The following SLC7A11 variants were observed in gnomAD, a reference collection of about 807,000 sequenced individuals.
SLC7A11 encodes solute carrier family 7 member 11, also known as cystine/glutamate transporter.
SLC7A11 carries 35 observed loss-of-function variants against 54.5 expected under a neutral mutation model. The observed-to-expected ratio is 0.64, with a 90% CI of 0.49 to 0.85. SLC7A11 has a LOEUF of 0.85. SLC7A11 is among the 40% of genes least tolerant of loss of function. The pLI is 0.00. For missense variants in SLC7A11, 583 were observed against 618.1 expected (o/e 0.94, Z 0.60); for synonymous variants, 230 against 225.2 (o/e 1.02, Z -0.19).
chr4:138,240,503 G>A (rs974664589), intron 1 of SLC7A11, among the ~76,000 whole-genome samples: 4 of 148,750 alleles, frequency 2.7e-5, no homozygotes, highest in Non-Finnish European at 4.4e-5. Context: ...GGAGGCGGAG[G>A]TTGCAGTGAG....
chr4:138,221,684 G>C (rs1331975834), intron 4 of SLC7A11, among the ~76,000 whole-genome samples: 1 of 152,066 alleles, frequency 6.6e-6, no homozygotes, highest in Non-Finnish European at 1.5e-5. Flanking sequence ...TGCTCTCAAG[G>C]AATTTGCAAT....
At chr4:138,241,592 A>G (rs1229948374) in intron 1 of SLC7A11, among the ~76,000 whole-genome samples, 1 of 152,208 alleles carries the variant, frequency 6.6e-6, no homozygotes, top group Non-Finnish European at 1.5e-5. Context: ...TACAGCCTGT[A>G]GGAAGCAATT....
intron 3 of SLC7A11, 61 bp downstream of exon 3, chr4:138,232,202 ACACT>A (rs1738095199): frequency 9.1e-7 from 1 of 1,103,426 alleles, no homozygotes. Context: ...AAGTCTAAAG[ACACT>A]TTGTCTTCAA....
At chr4:138,205,512 C>T (rs1307777097) in intron 6 of SLC7A11, among the ~76,000 whole-genome samples, 1 of 151,972 alleles carries the variant, frequency 6.6e-6, no homozygotes, top group Non-Finnish European at 1.5e-5. Context: ...TTGTCTCTAC[C>T]CTTAGTGAAC....
At chr4:138,184,130 A>G (rs1011922976) in intron 7 of SLC7A11, among the ~76,000 whole-genome samples, 1 of 152,174 alleles carries the variant, frequency 6.6e-6, no homozygotes, top group Non-Finnish European at 1.5e-5. Flanking sequence ...TGCCCAAAGA[A>G]TAAGTGCTGC....
At chr4:138,185,342 G>A in intron 6 of SLC7A11, 98 bp from the exon 7 acceptor site, 1 of 1,333,284 alleles carries the variant, frequency 7.5e-7, no homozygotes, top group Non-Finnish European at 1.1e-6. Context: ...GAATATAATG[G>A]TATCTACAAT....
At chr4:138,191,185 G>C (rs1737006070) in intron 6 of SLC7A11, among the ~76,000 whole-genome samples, 1 of 152,156 alleles carries the variant, frequency 6.6e-6, no homozygotes, top group African/African-American at 2.4e-5. Flanking sequence ...TCTGGGCCAA[G>C]GCTGAACAAA....
chr4:138,225,936 G>A (rs1158367886), intron 3 of SLC7A11, among the ~76,000 whole-genome samples: 2 of 151,550 alleles, frequency 1.3e-5, no homozygotes, highest in Non-Finnish European at 2.9e-5. Context: ...GAGAGAGAGA[G>A]GCATTCTTAT....
intron 6 of SLC7A11, among the ~76,000 whole-genome samples, chr4:138,206,958 G>T (rs891631723): frequency 1.5e-5 from 2 of 133,410 alleles, no homozygotes; most frequent in Non-Finnish European, 3.1e-5. Flanking sequence ...ATTTAAAAAT[G>T]GATTAATCAA....
rs1397472639 is a variant in SLC7A11 at position 138,169,180 on chromosome 4, T to C, written c.*2776A>G. The C allele has an allele frequency of 6.6e-6, 1 of 152,138 alleles. No homozygotes were observed. The highest frequency in any genetic ancestry group is 1.5e-5 in the Non-Finnish European group (1 of 68,006). The allele number at this position is 152,138 out of a possible 1,614,324, so 9.4% of individuals were successfully genotyped here. On this transcript the variant is annotated 3_prime_UTR_variant, in exon 12 of 12. Coordinates refer to ENST00000280612, the MANE Select transcript of SLC7A11 (RefSeq NM_014331.4). ...ACATGTAGTAAGTAGTATGTGCATG[T>C]ATGTGTGTGTGTGCATATCGTATAA...
intron 7 of SLC7A11, among the ~76,000 whole-genome samples, chr4:138,183,938 T>A (rs548062046): frequency 1.3e-5 from 2 of 152,270 alleles, no homozygotes; most frequent in Admixed American, 1.3e-4. Context: ...AACACAAATA[T>A]AAGTCCGATA....
At chr4:138,211,401 C>T (rs1037301747) in intron 6 of SLC7A11, among the ~76,000 whole-genome samples, 1 of 151,794 alleles carries the variant, frequency 6.6e-6, no homozygotes, top group African/African-American at 2.4e-5. Flanking sequence ...AGGGGCCACA[C>T]ATGTACCCCC....
At chr4:138,211,085 T>C (rs967718203) in intron 6 of SLC7A11, among the ~76,000 whole-genome samples, 4 of 152,040 alleles carry the variant, frequency 2.6e-5, no homozygotes, top group African/African-American at 9.7e-5. Context: ...TCATGTCCTT[T>C]ACAGCAACAT....
In SLC7A11 at chr4:138,189,436, G is replaced by A. The variant is rs927327545; in HGVS notation, c.792-4192C>T. Among the ~76,000 whole-genome samples, 7 of 152,090 alleles carry A rather than the reference G, an allele frequency of 4.6e-5. No individual in the cohort carries two copies. The East Asian group carries it at 5.8e-4, about 13-fold the overall frequency. ...AACCAAGGTCACAAAAGTAGTAAGC[G>A]GGAGGGCTGGAACCAGAACCCACCT... is the stretch of plus-strand genomic sequence containing the variant. On this transcript the variant is annotated intron_variant, in intron 6 of 11. Coordinates refer to ENST00000280612, the MANE Select transcript of SLC7A11 (RefSeq NM_014331.4).
At chr4:138,194,506 T>C (rs1209512626) in intron 6 of SLC7A11, among the ~76,000 whole-genome samples, 1 of 152,206 alleles carries the variant, frequency 6.6e-6, no homozygotes, top group Non-Finnish European at 1.5e-5. Flanking sequence ...TCAGGGACTC[T>C]CTGCCCAAGG....
At chr4:138,211,409 C>A (rs919836158) in intron 6 of SLC7A11, among the ~76,000 whole-genome samples, 1 of 151,662 alleles carries the variant, frequency 6.6e-6, no homozygotes, top group African/African-American at 2.4e-5. Context: ...CACATGTACC[C>A]CCTGAATCTA....
chr4:138,236,736 AT>A (rs1345836592), intron 1 of SLC7A11, among the ~76,000 whole-genome samples: 2 of 152,182 alleles, frequency 1.3e-5, no homozygotes, highest in East Asian at 1.9e-4. Flanking sequence ...GTGTTCCAGA[AT>A]TTTGAGCTGA....
At chr4:138,232,940 CA>C (rs1213328615) in intron 2 of SLC7A11, among the ~76,000 whole-genome samples, 1 of 151,850 alleles carries the variant, frequency 6.6e-6, no homozygotes, top group African/African-American at 2.4e-5. Flanking sequence ...CCTATAGTAA[CA>C]TTCAGATATA....
rs1491392210 is a variant in SLC7A11 at position 138,225,171 on chromosome 4, TAA to T, written c.521-1849_521-1848del. ...ATATATATATATATATATATATATATAAATAAAATCATTACATTGTACACCCT... is the reference window on the plus strand; with the variant it reads ...ATATATATATATATATATATATATATATAAAATCATTACATTGTACACCCT... On this transcript the variant is annotated intron_variant, in intron 3 of 11. Coordinates refer to ENST00000280612, the MANE Select transcript of SLC7A11 (RefSeq NM_014331.4). Among the ~76,000 whole-genome samples the T allele has an allele frequency of 2.6e-4, 34 of 131,478 alleles. No individual in the cohort carries two copies. In the South Asian group the frequency reaches 4.2e-3, roughly 16 times the overall value. 86.3% of individuals were successfully genotyped at this position (131,478 alleles called of 152,430 possible).
Sources: allele counts gnomAD v4.1 joint callset (sites outside exome capture counted in the v4.1 genomes callset), GRCh38; gene constraint gnomAD v4.1.1; transcripts MANE v1.5; gene names NCBI Gene and HGNC (gene_info 2026-07-23, HGNC 2026-07-21).